KIDINS220: variants seen among roughly 807,000 people sequenced by gnomAD.
KIDINS220 encodes kinase D interacting substrate 220.
KIDINS220 carries 63 observed loss-of-function variants against 157.6 expected under a neutral mutation model. The observed-to-expected ratio is 0.40, with a 90% CI of 0.33 to 0.49. KIDINS220 has a LOEUF of 0.49. Among genes scored for constraint, KIDINS220 ranks in the 20% least tolerant of loss-of-function variants. The probability of loss-of-function intolerance (pLI) is 0.66; values close to 1 mark genes in which losing one functional copy is unlikely to be tolerated. For synonymous variants in KIDINS220, 732 were observed against 783.6 expected, an observed-to-expected ratio of 0.93 and a Z score of 1.10; for missense variants, 1,772 against 2,171.2, an observed-to-expected ratio of 0.82 and a Z score of 3.65.
In KIDINS220 at chr2:8,786,255, G is replaced by C. The variant is rs752354887; in HGVS notation, c.1890C>G (p.Gly630=). ...CTCGAAAAAGCCTGGTTGCCAAAAA[G>C]CCAAACTCTCTTTCACAAGCATCCG... The part of the protein sequence containing the change: ...TLSDACEREF[G]FLATRLFRVF... Residue 630 remains glycine, a synonymous_variant, in exon 16 of 30, where the codon GGC becomes GGG. Transcript: ENST00000256707. 6.2e-7 allele frequency: 1 copy of C among 1,614,044 alleles called. No homozygotes were observed. The highest frequency in any genetic ancestry group is 1.1e-5 in the South Asian group (1 of 91,076).
At chr2:8,747,237 G>A in intron 25 of KIDINS220, 36 bp from the exon 26 acceptor site, 1 of 1,589,944 alleles carries the variant, frequency 6.3e-7, no homozygotes, top group East Asian at 2.2e-5. Flanking sequence ...GGGTGAAAAG[G>A]GGAAGGGGGG....
At position 8,805,960 on chromosome 2, in the gene KIDINS220, A is replaced by G. The variant is rs1675384274; in HGVS notation, c.603+311T>C. Among the ~76,000 whole-genome samples, 4 of 152,332 alleles carry G rather than the reference A, an allele frequency of 2.6e-5. No homozygotes were observed. In the South Asian group the frequency reaches 8.3e-4, roughly 32 times the overall value. On this transcript the variant is annotated intron_variant, in intron 7 of 29. Coordinates refer to ENST00000256707, the MANE Select transcript of KIDINS220 (RefSeq NM_020738.4). The stretch of plus-strand genomic sequence containing the variant: ...CAAAATCACCGATGACACATTTCTT[A>G]GAACGTATCCCTGTCATTAAGCGAC...
intron 1 of KIDINS220, among the ~76,000 whole-genome samples, chr2:8,833,148 TC>T (rs1679897290): frequency 1.3e-5 from 2 of 152,210 alleles, no homozygotes; most frequent in Non-Finnish European, 2.9e-5. Flanking sequence ...TACAGCTTAC[TC>T]CTTCTACCTA....
chr2:8,738,088 C>T (rs1558316331), intron 26 of KIDINS220, among the ~76,000 whole-genome samples: 1 of 151,890 alleles, frequency 6.6e-6, no homozygotes, highest in African/African-American at 2.4e-5. Flanking sequence ...AAAAAAATCA[C>T]AAAAAAATAG....
intron 21 of KIDINS220, among the ~76,000 whole-genome samples, 156 bp from the exon 22 acceptor site, chr2:8,770,988 C>T (rs1459589101): frequency 6.6e-6 from 1 of 152,052 alleles, no homozygotes; most frequent in Non-Finnish European, 1.5e-5. Flanking sequence ...CTTCTAAAAT[C>T]CAAAGAGCTG....
intron 22 of KIDINS220, among the ~76,000 whole-genome samples, chr2:8,758,524 C>T (rs1195002751): frequency 6.6e-6 from 1 of 152,112 alleles, no homozygotes; most frequent in Non-Finnish European, 1.5e-5. Flanking sequence ...GGTTTCATTG[C>T]TTTTTTTCTA....
At position 8,793,994 on chromosome 2, in the gene KIDINS220, A is replaced by C. The variant is rs183604159; in HGVS notation, c.1099-7T>G. ...GCAAGGGAGTATCTCCTTTCTGTAA[A>C]ATAATAGTACGAAACTTGAACTTTC... On this transcript the variant is annotated splice_polypyrimidine_tract_variant and splice_region_variant and intron_variant, in intron 11 of 29. Coordinates refer to ENST00000256707, the MANE Select transcript of KIDINS220 (RefSeq NM_020738.4). 35 of 1,589,180 alleles carry C rather than the reference A, an allele frequency of 2.2e-5. No individual in the cohort carries two copies. Among genetic ancestry groups the C allele is most frequent in the Non-Finnish European group, 2.7e-5 (32 of 1,170,258 alleles).
At chr2:8,823,550 A>G (rs1558495267) in intron 2 of KIDINS220, among the ~76,000 whole-genome samples, 2 of 152,110 alleles carry the variant, frequency 1.3e-5, no homozygotes, top group South Asian at 4.1e-4. Context: ...TAAACTGGAT[A>G]TGTTAATTAA....
chr2:8,740,119 A>G, intron 26 of KIDINS220: 1 of 947,478 alleles, frequency 1.1e-6, no homozygotes, highest in Non-Finnish European at 1.3e-6. Context: ...TAGTCTAATA[A>G]GAAAAGTAAG....
chr2:8,811,987 C>G (rs1400285798), intron 6 of KIDINS220, among the ~76,000 whole-genome samples: 4 of 152,136 alleles, frequency 2.6e-5, no homozygotes, highest in African/African-American at 9.7e-5. Flanking sequence ...CCCATCTTCA[C>G]CCATCATACC....
At chr2:8,810,187 A>G (rs1311542931) in intron 6 of KIDINS220, among the ~76,000 whole-genome samples, 1 of 152,146 alleles carries the variant, frequency 6.6e-6, no homozygotes, top group Non-Finnish European at 1.5e-5. Context: ...CTGCTGCGCC[A>G]TCAGTGAATT....
Position 8,760,251 on chromosome 2 carries a change from T to A in KIDINS220, c.3012-8607A>T, listed in dbSNP as rs148722708. On this transcript the variant is annotated intron_variant, in intron 22 of 29. Transcript: ENST00000256707. ...AGACTGAAATAAAGCTTCTCCTCCA[T>A]CTTCATGCACATATTTAATTTCCTT... 2.2e-3 allele frequency among the ~76,000 whole-genome samples: 334 copies of A among 152,362 alleles called. 1 individual carries two copies. Among genetic ancestry groups the A allele is most frequent in the Non-Finnish European group, 3.4e-3 (232 of 68,028 alleles).
chr2:8,733,657 T>G lies in KIDINS220; in HGVS notation c.3840A>C (p.Glu1280Asp), dbSNP rs771538805. 1 of 1,583,032 alleles carries G rather than the reference T, an allele frequency of 6.3e-7. No homozygotes were observed. The highest frequency in any genetic ancestry group is 1.1e-5 in the South Asian group (1 of 87,266). ...GTGGGTCTTCAGGGACCACGTGGCT[T>G]TCTGCGTTTCTCATTTCTAGTACCT... ...RSTVLEMRNAESHVVPEDPRF... is the reference protein window; with the variant it reads ...RSTVLEMRNADSHVVPEDPRF... Residue 1280 changes from glutamate to aspartate, a missense_variant, in exon 29 of 30, where the codon GAA becomes GAC. Coordinates refer to ENST00000256707, the MANE Select transcript of KIDINS220 (RefSeq NM_020738.4).
chr2:8,742,371 C>T (rs1038112900), intron 26 of KIDINS220, among the ~76,000 whole-genome samples: 5 of 151,862 alleles, frequency 3.3e-5, no homozygotes, highest in Non-Finnish European at 7.4e-5. Flanking sequence ...TAAGTGCAGG[C>T]TTACTGCATG....
At chr2:8,755,164 C>T (rs1572514006) in intron 22 of KIDINS220, among the ~76,000 whole-genome samples, 1 of 152,328 alleles carries the variant, frequency 6.6e-6, no homozygotes, top group Admixed American at 6.5e-5. Context: ...TGTGAAAAGG[C>T]AAAAGCCCTG....
At chr2:8,745,163 C>T (rs1273147875) in intron 26 of KIDINS220, among the ~76,000 whole-genome samples, 1 of 152,204 alleles carries the variant, frequency 6.6e-6, no homozygotes, top group Non-Finnish European at 1.5e-5. Flanking sequence ...ATGTCTGTGT[C>T]ATTAAGGCCA....
At chr2:8,783,876 T>C (rs928349814) in intron 17 of KIDINS220, among the ~76,000 whole-genome samples, 3 of 152,100 alleles carry the variant, frequency 2.0e-5, no homozygotes, top group Non-Finnish European at 4.4e-5. Context: ...GACCTAAAGA[T>C]TTAACGCAAT....
chr2:8,760,361 G>A (rs555324909), intron 22 of KIDINS220, among the ~76,000 whole-genome samples: 54 of 152,292 alleles, frequency 3.5e-4, no homozygotes, highest in Non-Finnish European at 7.1e-4. Context: ...CTAGAAGCCT[G>A]AGCAAAGACT....
chr2:8,825,302 G>T (rs1286174834), intron 2 of KIDINS220, among the ~76,000 whole-genome samples: 1 of 144,576 alleles, frequency 6.9e-6, no homozygotes, highest in Non-Finnish European at 1.5e-5. Flanking sequence ...GAAGGCAGGG[G>T]GCGGAGGTTG....
Sources: allele counts gnomAD v4.1 joint callset (sites outside exome capture counted in the v4.1 genomes callset), GRCh38; gene constraint gnomAD v4.1.1; transcripts MANE v1.5; gene names NCBI Gene and HGNC (gene_info 2026-07-23, HGNC 2026-07-21).